Variants in TOPAZ1 observed in about 807,000 individuals in gnomAD.
TOPAZ1 encodes the protein protein TOPAZ1.
A neutral mutation model predicts 172.2 loss-of-function variants in TOPAZ1; 66 were observed. The ratio of observed to expected loss-of-function variants is 0.38; its 90% confidence interval spans 0.31 to 0.47. TOPAZ1 has a LOEUF of 0.47. TOPAZ1 is among the 20% of genes least tolerant of loss of function. The probability of loss-of-function intolerance (pLI) is 0.99; values close to 1 mark genes in which losing one functional copy is unlikely to be tolerated. For missense variants in TOPAZ1, 1,822 were observed against 1,972.4 expected (o/e 0.92, Z 1.44); for synonymous variants, 681 against 683.9 (o/e 1.00, Z 0.07).
chr3:44,305,465 G>A (rs951830755), intron 14 of TOPAZ1, 144 bp downstream of exon 14: 14 of 577,902 alleles, frequency 2.4e-5, no homozygotes, highest in Non-Finnish European at 3.6e-5. Context: ...GAACTCCTGG[G>A]CTCAAGCACT....
chr3:44,259,502 A>G (rs892532344), intron 4 of TOPAZ1, among the ~76,000 whole-genome samples: 5 of 152,210 alleles, frequency 3.3e-5, no homozygotes, highest in Non-Finnish European at 1.5e-5. Flanking sequence ...ATTACCTACT[A>G]TATGAATATA....
intron 12 of TOPAZ1, among the ~76,000 whole-genome samples, 198 bp downstream of exon 12, chr3:44,291,084 G>C (rs535504463): frequency 1.3e-5 from 2 of 151,968 alleles, no homozygotes; most frequent in South Asian, 2.1e-4. Flanking sequence ...ATTTTTCTTA[G>C]TACTTCATTT....
chr3:44,330,768 C>T (rs927409248), intron 19 of TOPAZ1, among the ~76,000 whole-genome samples: 6 of 152,228 alleles, frequency 3.9e-5, no homozygotes, highest in Non-Finnish European at 8.8e-5. Context: ...ACAGCCACAC[C>T]TCTATTTTAA....
chr3:44,264,615 G>C (rs1699809371), intron 5 of TOPAZ1, among the ~76,000 whole-genome samples: 1 of 152,190 alleles, frequency 6.6e-6, no homozygotes, highest in African/African-American at 2.4e-5. Flanking sequence ...GAAGTTTGCT[G>C]CATCAGTTGA....
chr3:44,252,368 TA>T (rs1699644237), intron 2 of TOPAZ1, among the ~76,000 whole-genome samples: 1 of 152,230 alleles, frequency 6.6e-6, no homozygotes, highest in Non-Finnish European at 1.5e-5. Context: ...TAAACTCTCT[TA>T]ATATATCTTT....
At chr3:44,331,033 A>G (rs554436914) in intron 19 of TOPAZ1, among the ~76,000 whole-genome samples, 12 of 152,350 alleles carry the variant, frequency 7.9e-5, no homozygotes, top group African/African-American at 2.9e-4. Context: ...AAAAATAGTC[A>G]ATATCAAAGT....
At chr3:44,288,410 G>A (rs570326526) in intron 11 of TOPAZ1, among the ~76,000 whole-genome samples, 7 of 152,222 alleles carry the variant, frequency 4.6e-5, no homozygotes, top group African/African-American at 9.6e-5. Context: ...ATTGCCAGGC[G>A]TGGTGGCTCA....
intron 6 of TOPAZ1, among the ~76,000 whole-genome samples, chr3:44,268,366 CTTTTTT>C (rs34027226): frequency 1.6e-4 from 11 of 67,472 alleles, no homozygotes; most frequent in Non-Finnish European, 3.1e-4. Context: ...GGTGCCTATT[CTTTTTT>C]TTTTTTTTTT....
chr3:44,290,681 C>T, intron 11 of TOPAZ1, 90 bp from the exon 12 acceptor site: 2 of 706,952 alleles, frequency 2.8e-6, no homozygotes, highest in East Asian at 3.1e-5. Context: ...TCACTTCTTC[C>T]ATTAGTGTCT....
At chr3:44,281,365 C>T (rs1425426366) in intron 8 of TOPAZ1, among the ~76,000 whole-genome samples, 2 of 152,298 alleles carry the variant, frequency 1.3e-5, no homozygotes, top group South Asian at 4.1e-4. Flanking sequence ...CCTTTTCACC[C>T]TCTTAAAAGT....
intron 2 of TOPAZ1, among the ~76,000 whole-genome samples, chr3:44,253,035 C>T (rs1018545161): frequency 4.6e-5 from 7 of 152,094 alleles, no homozygotes; most frequent in South Asian, 2.1e-4. Flanking sequence ...AAAATTGAGA[C>T]ACCAAAATAA....
chr3:44,268,319 T>C (rs1323483390), intron 6 of TOPAZ1, among the ~76,000 whole-genome samples: 1 of 151,952 alleles, frequency 6.6e-6, no homozygotes, highest in Non-Finnish European at 1.5e-5. Flanking sequence ...CACATAACTT[T>C]TCCTTGGTGT....
At chr3:44,296,123 G>A (rs1021917766) in intron 12 of TOPAZ1, among the ~76,000 whole-genome samples, 25 of 152,272 alleles carry the variant, frequency 1.6e-4, no homozygotes, top group Admixed American at 6.5e-4. Flanking sequence ...TATAATCCAC[G>A]TGTGAAGAGA....
chr3:44,245,886 A>G (rs1338293432), intron 2 of TOPAZ1, among the ~76,000 whole-genome samples: 1 of 152,172 alleles, frequency 6.6e-6, no homozygotes, highest in African/African-American at 2.4e-5. Context: ...TCAAAAGTTA[A>G]GTTTATTTTC....
At chr3:44,309,712 A>T in intron 15 of TOPAZ1, 113 bp from the exon 16 acceptor site, 1 of 759,134 alleles carries the variant, frequency 1.3e-6, no homozygotes, top group East Asian at 2.7e-5. Context: ...CTTAACAGCC[A>T]GCAGTCTAGG....
intron 12 of TOPAZ1, among the ~76,000 whole-genome samples, chr3:44,300,418 A>T (rs1261478779): frequency 3.9e-5 from 5 of 129,240 alleles, no homozygotes; most frequent in Non-Finnish European, 8.4e-5. Context: ...ACAGAGTGAG[A>T]CGTCTTAAAA....
At chr3:44,296,268 A>G (rs1036001451) in intron 12 of TOPAZ1, among the ~76,000 whole-genome samples, 1 of 152,210 alleles carries the variant, frequency 6.6e-6, no homozygotes, top group Non-Finnish European at 1.5e-5. Flanking sequence ...CAAAACAAGG[A>G]AAAATAAGAG....
chr3:44,322,072 G>C (rs9863482), intron 17 of TOPAZ1, among the ~76,000 whole-genome samples: 2 of 152,160 alleles, frequency 1.3e-5, no homozygotes, highest in African/African-American at 4.8e-5. Flanking sequence ...AATGAAATTG[G>C]TGTTTCAGGA....
intron 8 of TOPAZ1, among the ~76,000 whole-genome samples, chr3:44,278,809 CTT>C (rs79905508): frequency 5.1e-5 from 7 of 138,094 alleles, no homozygotes; most frequent in Admixed American, 1.4e-4. Flanking sequence ...GTTGATCCTC[CTT>C]TTTTTTTTTT....
Sources: allele counts gnomAD v4.1 joint callset (sites outside exome capture counted in the v4.1 genomes callset), GRCh38; gene constraint gnomAD v4.1.1; transcripts MANE v1.5; gene names NCBI Gene and HGNC (gene_info 2026-07-23, HGNC 2026-07-21).